The following BACH2 variants were observed in gnomAD, a reference collection of about 807,000 sequenced individuals.
The protein encoded by BACH2 is transcription regulator protein BACH2.
A neutral mutation model predicts 61.8 loss-of-function variants in BACH2; 5 were observed. The ratio of observed to expected loss-of-function variants is 0.08; its 90% CI spans 0.04 to 0.17. BACH2 has a LOEUF of 0.17. Ranked by LOEUF, BACH2 falls within the 10% of genes least tolerant of loss-of-function variation. The pLI is 1.00. For synonymous variants in BACH2, 446 were observed against 440.1 expected, an observed-to-expected ratio of 1.01 and a Z score of -0.17; for missense variants, 824 against 1,091.1, an observed-to-expected ratio of 0.76 and a Z score of 3.45.
At chr6:90,037,405 C>A (rs560786556) in intron 5 of BACH2, among the ~76,000 whole-genome samples, 5 of 152,322 alleles carry the variant, frequency 3.3e-5, no homozygotes, top group African/African-American at 9.6e-5. Flanking sequence ...ACTATAAAAT[C>A]ATGAAGGAGG....
At chr6:90,064,768 CTGAAT>C (rs1780859229) in intron 5 of BACH2, among the ~76,000 whole-genome samples, 1 of 152,220 alleles carries the variant, frequency 6.6e-6, no homozygotes, top group African/African-American at 2.4e-5. Context: ...AAAGGATGCA[CTGAAT>C]TGATGTTTGA....
intron 3 of BACH2, among the ~76,000 whole-genome samples, chr6:90,223,865 CT>C (rs1769824196): frequency 1.3e-5 from 2 of 152,152 alleles, no homozygotes; most frequent in Non-Finnish European, 2.9e-5. Flanking sequence ...CCTGATACTC[CT>C]AAATACAGAT....
intron 5 of BACH2, among the ~76,000 whole-genome samples, chr6:90,052,850 A>T (rs3930252): frequency 0.44 from 66,971 of 151,968 alleles, 17,467 homozygotes; most frequent in East Asian, 0.82. Context: ...TATATTTTTT[A>T]AAAAATCTTA....
intron 3 of BACH2, among the ~76,000 whole-genome samples, chr6:90,207,905 T>C (rs1769205693): frequency 6.6e-6 from 1 of 152,158 alleles, no homozygotes; most frequent in Non-Finnish European, 1.5e-5. Flanking sequence ...GATTTTGCAA[T>C]TTACATTTTC....
At chr6:90,015,126 T>A (rs988650794) in intron 5 of BACH2, among the ~76,000 whole-genome samples, 1 of 152,188 alleles carries the variant, frequency 6.6e-6, no homozygotes, top group Non-Finnish European at 1.5e-5. Context: ...GGGTTGAATC[T>A]GTACTGATGC....
Position 90,294,572 on chromosome 6 carries a change from C to T in BACH2, c.-446+1908G>A, listed in dbSNP as rs528854174. On this transcript the variant is annotated intron_variant, in intron 1 of 8. Coordinates refer to ENST00000257749, the MANE Select transcript of BACH2 (RefSeq NM_021813.4). ...AGACCTTTCAGTGGAGCAGTTTGAACGCAACACTGTAATTTGGCAATCTCT... is the reference window on the plus strand; with the variant it reads ...AGACCTTTCAGTGGAGCAGTTTGAATGCAACACTGTAATTTGGCAATCTCT... 5.9e-5 allele frequency among the ~76,000 whole-genome samples: 9 copies of T among 152,244 alleles called. No homozygotes were observed. The South Asian group carries it at 1.9e-3, about 32-fold the overall frequency.
chr6:90,251,925 T>C (rs1479578481), intron 3 of BACH2, among the ~76,000 whole-genome samples: 1 of 151,904 alleles, frequency 6.6e-6, no homozygotes, highest in Non-Finnish European at 1.5e-5. Flanking sequence ...TTTCCAGGGG[T>C]GGGAAAGTTC....
intron 4 of BACH2, among the ~76,000 whole-genome samples, chr6:90,095,779 T>A (rs77630715): frequency 1.3e-5 from 2 of 151,540 alleles, no homozygotes; most frequent in African/African-American, 2.4e-5. Flanking sequence ...CATCATCATC[T>A]CCACCACCAC....
chr6:90,099,135 G>A (rs944140996), intron 4 of BACH2, among the ~76,000 whole-genome samples: 1 of 151,896 alleles, frequency 6.6e-6, no homozygotes, highest in African/African-American at 2.4e-5. Context: ...GCATACTTCA[G>A]CCTTCATACC....
rs1562317176 is a variant in BACH2, at chr6:89,950,102, G to A, written c.1836+168C>T. 2 of 766,590 alleles carry A rather than the reference G, an allele frequency of 2.6e-6. No homozygotes were observed. Among genetic ancestry groups the A allele is most frequent in the South Asian group, 3.2e-5 (2 of 62,106 alleles). 47.5% of individuals were successfully genotyped at this position (766,590 alleles called of 1,614,324 possible). ...TTTCTAGGACAGAAGTGGTTAATGT[G>A]GAATCACCTTCAGCATCCTGCCTCT... On this transcript the variant is annotated intron_variant, in intron 7 of 8. Transcript: ENST00000257749. The surrounding 1 kb of genome is among the most constrained non-coding windows in gnomAD (Gnocchi z 5.3).
intron 6 of BACH2, among the ~76,000 whole-genome samples, chr6:90,003,389 T>C (rs563425126): frequency 1.3e-5 from 2 of 152,320 alleles, no homozygotes; most frequent in South Asian, 4.1e-4. Context: ...AGTCACCCCC[T>C]TGAACAGGCT....
At chr6:90,021,299 T>TAAAAAAAAAAAAAAAAAACAAAAAAAA (rs1778360381) in intron 5 of BACH2, among the ~76,000 whole-genome samples, 2 of 100,228 alleles carry the variant, frequency 2.0e-5, no homozygotes, top group African/African-American at 6.7e-5. Flanking sequence ...AGCAAAAAAG[T>TAAAAAAAAAAAAAAAAAACAAAAAAAA]AAAAAAAAAA....
At chr6:90,170,405 G>A (rs369250090) in intron 4 of BACH2, among the ~76,000 whole-genome samples, 31 of 152,218 alleles carry the variant, frequency 2.0e-4, no homozygotes, top group African/African-American at 6.0e-4. Context: ...CAACCAGAAT[G>A]TAAGCTCAGT....
At chr6:90,246,741 C>T (rs573986087) in intron 3 of BACH2, among the ~76,000 whole-genome samples, 1 of 152,228 alleles carries the variant, frequency 6.6e-6, no homozygotes, top group Non-Finnish European at 1.5e-5. Flanking sequence ...TATTACAATA[C>T]AATCTGATTT....
chr6:90,278,809 A>G (rs1290961100), intron 1 of BACH2, among the ~76,000 whole-genome samples: 1 of 152,096 alleles, frequency 6.6e-6, no homozygotes, highest in Non-Finnish European at 1.5e-5. Context: ...GCTCTCAATC[A>G]CTCTAGACTT....
At position 89,996,300 on chromosome 6, in the gene BACH2, C is replaced by G. The variant is rs12664241; in HGVS notation, c.243+12302G>C. Among the ~76,000 whole-genome samples, 985 of 152,276 alleles carry G rather than the reference C, an allele frequency of 6.5e-3. 23 individuals carry two copies. In the East Asian group the frequency reaches 0.08, roughly 12 times the overall value. Reference sequence around the variant, plus strand: ...CTTCCTCACCTATGCTAGGCTCAGGCTGTGTCTCCTGACTGTGCTCTCTGT... The same window carrying G: ...CTTCCTCACCTATGCTAGGCTCAGGGTGTGTCTCCTGACTGTGCTCTCTGT... On this transcript the variant is annotated intron_variant, in intron 6 of 8. Transcript: ENST00000257749.
In BACH2 at chr6:90,184,786, G is replaced by C. The variant is rs569321814; in HGVS notation, c.-162+21783C>G. On this transcript the variant is annotated intron_variant, in intron 4 of 8. Transcript: ENST00000257749. Reference sequence around the variant, plus strand: ...AGGAAACATCACCTTAAGGTTGAAGGAGGACAAACTCAAGCAGTTGCCTAT... The same window carrying C: ...AGGAAACATCACCTTAAGGTTGAAGCAGGACAAACTCAAGCAGTTGCCTAT... 1.2e-4 allele frequency among the ~76,000 whole-genome samples: 19 copies of C among 152,314 alleles called. No individual in the cohort carries two copies. The South Asian group carries it at 3.5e-3, about 28-fold the overall frequency.
intron 4 of BACH2, among the ~76,000 whole-genome samples, chr6:90,162,481 AT>A (rs1159585467): frequency 6.6e-6 from 1 of 151,972 alleles, no homozygotes; most frequent in Non-Finnish European, 1.5e-5. Context: ...GCTACAAAAA[AT>A]TTTTTAAAAA....
At chr6:90,135,085 C>T (rs913841545) in intron 4 of BACH2, among the ~76,000 whole-genome samples, 2 of 152,158 alleles carry the variant, frequency 1.3e-5, no homozygotes, top group African/African-American at 2.4e-5. Context: ...ACAGTATCAC[C>T]TCCCTGGCAG....
Sources: allele counts gnomAD v4.1 joint callset (sites outside exome capture counted in the v4.1 genomes callset), GRCh38; gene constraint gnomAD v4.1.1; non-coding constraint Gnocchi (gnomAD v3.1); transcripts MANE v1.5; gene names NCBI Gene and HGNC (gene_info 2026-07-23, HGNC 2026-07-21).